KCNH7: variants seen among roughly 807,000 people sequenced by gnomAD.
KCNH7 encodes potassium voltage-gated channel subfamily H member 7.
Under a neutral mutation model 120.8 loss-of-function variants are expected in KCNH7, and 49 were observed. The observed-to-expected ratio is 0.41, with a 90% confidence interval of 0.32 to 0.51. The LOEUF (loss-of-function observed/expected upper bound fraction) is 0.51, where lower values mean the gene tolerates loss of function less well. Ranked by LOEUF, KCNH7 falls within the 20% of genes least tolerant of loss-of-function variation. The pLI is 0.38. For missense variants in KCNH7, 1,097 were observed against 1,446.6 expected (o/e 0.76, Z 3.92); for synonymous variants, 547 against 516.1 (o/e 1.06, Z -0.81).
At chr2:162,569,672 T>C (rs1693392936) in intron 2 of KCNH7, among the ~76,000 whole-genome samples, 1 of 151,990 alleles carries the variant, frequency 6.6e-6, no homozygotes, top group South Asian at 2.1e-4. Flanking sequence ...CATTTAGTGC[T>C]ATAAATTTCC....
rs532518917 is a variant in KCNH7, at chr2:162,391,463, T to A, written c.2710+2926A>T. ...TTGGAATAGGCTCTTGGGCTCTGGT[T>A]AACTGGAGTTAATTGTGTTTTCACA... is the stretch of plus-strand genomic sequence containing the variant. On this transcript the variant is annotated intron_variant, in intron 12 of 15. Transcript: ENST00000332142. 4.6e-5 allele frequency among the ~76,000 whole-genome samples: 7 copies of A among 152,200 alleles called. No homozygotes were observed. The East Asian group carries it at 1.4e-3, about 30-fold the overall frequency.
At chr2:162,516,318 A>T (rs1404684556) in intron 4 of KCNH7, among the ~76,000 whole-genome samples, 1 of 151,728 alleles carries the variant, frequency 6.6e-6, no homozygotes, top group African/African-American at 2.4e-5. Flanking sequence ...GTGTGAAATG[A>T]TTTAATTCTT....
At chr2:162,752,799 C>T (rs1365453248) in intron 2 of KCNH7, among the ~76,000 whole-genome samples, 1 of 150,294 alleles carries the variant, frequency 6.7e-6, no homozygotes, top group Non-Finnish European at 1.5e-5. Context: ...ATTCAGGAGG[C>T]TGAGACAAGG....
At chr2:162,550,572 G>C (rs1350393704) in intron 2 of KCNH7, among the ~76,000 whole-genome samples, 1 of 152,012 alleles carries the variant, frequency 6.6e-6, no homozygotes, top group Non-Finnish European at 1.5e-5. Flanking sequence ...TCATTCTGCT[G>C]CTTGCCCCTG....
At chr2:162,446,502 C>A in intron 6 of KCNH7, 59 bp from the exon 7 acceptor site, 2 of 1,261,770 alleles carry the variant, frequency 1.6e-6, no homozygotes, top group South Asian at 1.5e-5. Context: ...ATCTGGTAAA[C>A]CTATCAAATA....
At chr2:162,641,964 T>C (rs906156262) in intron 2 of KCNH7, among the ~76,000 whole-genome samples, 2 of 152,140 alleles carry the variant, frequency 1.3e-5, no homozygotes, top group African/African-American at 4.8e-5. Context: ...CCATTTCAGT[T>C]TCAATGGAGC....
intron 6 of KCNH7, among the ~76,000 whole-genome samples, chr2:162,472,309 G>A (rs1017454330): frequency 6.6e-6 from 1 of 152,126 alleles, no homozygotes; most frequent in African/African-American, 2.4e-5. Context: ...GCAACCTACA[G>A]AATGGGAGAA....
At chr2:162,708,021 C>A (rs774245939) in intron 2 of KCNH7, among the ~76,000 whole-genome samples, 2 of 151,632 alleles carry the variant, frequency 1.3e-5, no homozygotes, top group African/African-American at 4.8e-5. Flanking sequence ...TCTTGCCTAC[C>A]CTATTTTTCT....
chr2:162,528,965 G>A (rs1377294859), intron 3 of KCNH7, among the ~76,000 whole-genome samples: 1 of 151,898 alleles, frequency 6.6e-6, no homozygotes, highest in African/African-American at 2.4e-5. Flanking sequence ...TCTGGCTTGG[G>A]AGCTTTGGAT....
At chr2:162,574,399 TAA>T (rs1389217654) in intron 2 of KCNH7, among the ~76,000 whole-genome samples, 2 of 144,678 alleles carry the variant, frequency 1.4e-5, no homozygotes. Context: ...CTCTTCTTTG[TAA>T]AAAAAAAAAG....
chr2:162,394,588 G>A (rs989382151), intron 11 of KCNH7, 103 bp from the exon 12 acceptor site: 1 of 689,120 alleles, frequency 1.5e-6, no homozygotes, highest in Non-Finnish European at 2.5e-6. Context: ...CAACCATCTT[G>A]AGACTTAATT....
intron 2 of KCNH7, among the ~76,000 whole-genome samples, chr2:162,560,250 T>A (rs745991603): frequency 8.5e-5 from 13 of 152,174 alleles, no homozygotes; most frequent in Non-Finnish European, 1.6e-4. Flanking sequence ...TCTGAAGCAT[T>A]TTTCTGCCGT....
chr2:162,825,354 A>C lies in KCNH7; in HGVS notation c.307+11183T>G, dbSNP rs184570256. Among the ~76,000 whole-genome samples, 6 of 152,198 alleles carry C rather than the reference A, an allele frequency of 3.9e-5. No homozygotes were observed. The East Asian group carries it at 1.2e-3, about 29-fold the overall frequency. On this transcript the variant is annotated intron_variant, in intron 2 of 15. Coordinates refer to ENST00000332142, the MANE Select transcript of KCNH7 (RefSeq NM_033272.4). The stretch of plus-strand genomic sequence containing the variant: ...TGTTTTTCAATAAAATTTGAATTAC[A>C]AAATTCAACAAATTTCAACAAAAAT...
chr2:162,566,834 G>C (rs149783019), intron 2 of KCNH7, among the ~76,000 whole-genome samples: 1 of 151,988 alleles, frequency 6.6e-6, no homozygotes, highest in African/African-American at 2.4e-5. Flanking sequence ...CTGAACACAG[G>C]AGTATCCAAA....
At chr2:162,750,794 A>G (rs1688512871) in intron 2 of KCNH7, among the ~76,000 whole-genome samples, 1 of 152,154 alleles carries the variant, frequency 6.6e-6, no homozygotes, top group South Asian at 2.1e-4. Flanking sequence ...TTTTGTTCAA[A>G]TTCTCACACG....
chr2:162,577,348 C>CCTATCTATCTAT (rs71009364), intron 2 of KCNH7, among the ~76,000 whole-genome samples: 4,899 of 131,310 alleles, frequency 0.037, 92 homozygotes, highest in East Asian at 0.072. Context: ...ATCTATCCAT[C>CCTATCTATCTAT]CTATCTATCT....
intron 2 of KCNH7, among the ~76,000 whole-genome samples, chr2:162,771,430 A>G (rs1683051613): frequency 6.6e-6 from 1 of 152,030 alleles, no homozygotes; most frequent in Non-Finnish European, 1.5e-5. Flanking sequence ...GTCAAATATC[A>G]CTTTAGCCAT....
At chr2:162,608,390 C>T (rs1056892545) in intron 2 of KCNH7, among the ~76,000 whole-genome samples, 8 of 152,176 alleles carry the variant, frequency 5.3e-5, no homozygotes, top group South Asian at 2.1e-4. Flanking sequence ...GGGCATTTCT[C>T]ATCTGGACCA....
chr2:162,713,506 CTAGTT>C (rs1687000397), intron 2 of KCNH7, among the ~76,000 whole-genome samples: 1 of 152,052 alleles, frequency 6.6e-6, no homozygotes, highest in Admixed American at 6.6e-5. Flanking sequence ...ATTGCTCAGG[CTAGTT>C]TAGTTACTAG....
Sources: gnomAD v4.1 joint callset for allele counts (sites outside exome capture counted in the v4.1 genomes callset) on GRCh38, gnomAD v4.1.1 for gene constraint, MANE v1.5 for transcripts, NCBI Gene and HGNC (gene_info 2026-07-23, HGNC 2026-07-21) for gene names.